Variants in NCOA7 observed in about 807,000 individuals in gnomAD.
NCOA7 encodes the protein 140 kDa estrogen receptor-associated protein.
NCOA7 carries 45 observed loss-of-function variants against 104.3 expected under a neutral mutation model. The ratio of observed to expected loss-of-function variants is 0.43; its 90% CI spans 0.34 to 0.55. The LOEUF (loss-of-function observed/expected upper bound fraction) is 0.55. Ranked by LOEUF, NCOA7 falls within the 20% of genes least tolerant of loss-of-function variation. The pLI, the probability that NCOA7 is intolerant of heterozygous loss-of-function variation, is 0.02. For missense variants in NCOA7, 1,041 were observed against 1,119.7 expected (o/e 0.93, Z 1.00); for synonymous variants, 398 against 402.3 (o/e 0.99, Z 0.13).
rs139475241 is a variant in NCOA7, at chr6:125,871,336, G to A, written c.272-3553G>A. ...CCTTTCCCATGGCAGCTCATGCCTC[G>A]TCCTAGATCTCGCCAGGGCCAGAAG... On this transcript the variant is annotated intron_variant, in intron 3 of 15. Transcript: ENST00000392477. Among the ~76,000 whole-genome samples the A allele has an allele frequency of 3.4e-3, 514 of 152,246 alleles. 1 individual carries two copies. The highest frequency in any genetic ancestry group is 0.017 in the Middle Eastern group (5 of 294).
rs146081822 is a variant in NCOA7, at chr6:125,796,106, C to A, written c.-65+5039C>A. On this transcript the variant is annotated intron_variant, in intron 1 of 15. Transcript: ENST00000392477. ...CTAGGGGCCTTTCTTCCTTGAGATT[C>A]TGTAAACTCATGGAGCCTTCTGCAT... is the stretch of plus-strand genomic sequence containing the variant. Among the ~76,000 whole-genome samples the A allele has an allele frequency of 7.2e-5, 11 of 152,190 alleles. No individual in the cohort carries two copies. In the East Asian group the frequency reaches 2.1e-3, roughly 29 times the overall value.
At chr6:125,896,647 G>A (rs1394190704) in intron 10 of NCOA7, among the ~76,000 whole-genome samples, 8 of 152,018 alleles carry the variant, frequency 5.3e-5, no homozygotes, top group Non-Finnish European at 1.0e-4. Context: ...ACAAAAATTA[G>A]CTGGATGGTG....
chr6:125,814,210 G>A (rs898668083), intron 1 of NCOA7, among the ~76,000 whole-genome samples: 1 of 151,928 alleles, frequency 6.6e-6, no homozygotes, highest in Non-Finnish European at 1.5e-5. Flanking sequence ...GCTGGAGTGC[G>A]GTGGTGCCAT....
chr6:125,882,378 G>A (rs1783911788), intron 6 of NCOA7, 48 bp from the exon 7 acceptor site: 2 of 1,595,926 alleles, frequency 1.3e-6, no homozygotes, highest in Admixed American at 1.7e-5. Context: ...CACATAATTT[G>A]TTTGAAAAGT....
chr6:125,929,834 G>A lies in NCOA7; in HGVS notation c.*1063G>A, dbSNP rs1788357876. On this transcript the variant is annotated 3_prime_UTR_variant, in exon 16 of 16. Coordinates refer to ENST00000392477, the MANE Select transcript of NCOA7 (RefSeq NM_181782.5). ...AGTGTTCTTTGTATAACTTTTCCAA[G>A]CTTTTACATTAACGAGCAGGCCTCT... The A allele has an allele frequency of 6.6e-6, 1 of 152,076 alleles. No homozygotes were observed. Among genetic ancestry groups the A allele is most frequent in the African/African-American group, 2.4e-5 (1 of 41,398 alleles). The allele number at this position is 152,076 out of a possible 1,614,324, so 9.4% of individuals were successfully genotyped here. A position where few individuals can be genotyped will look rare whatever the true frequency, so the allele number is the denominator to read the frequency against.
intron 1 of NCOA7, among the ~76,000 whole-genome samples, chr6:125,785,135 C>T (rs573369128): frequency 6.6e-6 from 1 of 152,182 alleles, no homozygotes; most frequent in Admixed American, 6.5e-5. Context: ...GTCAGGAGTT[C>T]GAGACCAGCC....
chr6:125,886,961 A>G (rs1218371651), intron 8 of NCOA7, among the ~76,000 whole-genome samples: 2 of 152,242 alleles, frequency 1.3e-5, no homozygotes, highest in Non-Finnish European at 2.9e-5. Context: ...TAAGAAGGTA[A>G]CAACTGAAAG....
At chr6:125,791,239 C>T (rs539116118) in intron 1 of NCOA7, among the ~76,000 whole-genome samples, 172 bp downstream of exon 1, 188 of 152,316 alleles carry the variant, frequency 1.2e-3, no homozygotes, top group African/African-American at 4.3e-3. Context: ...ACCTGAAAAC[C>T]TCTGCTTGAG....
At chr6:125,797,619 A>G (rs1775459854) in intron 1 of NCOA7, among the ~76,000 whole-genome samples, 1 of 152,218 alleles carries the variant, frequency 6.6e-6, no homozygotes, top group South Asian at 2.1e-4. Flanking sequence ...TGCTGATATC[A>G]TGAAGTGAGA....
chr6:125,784,091 G>C (rs1487242534), intron 1 of NCOA7, among the ~76,000 whole-genome samples: 1 of 152,154 alleles, frequency 6.6e-6, no homozygotes, highest in East Asian at 1.9e-4. Flanking sequence ...GCCAATTTCT[G>C]ATTTGAAAAT....
chr6:125,892,704 G>A (rs1340522681), intron 10 of NCOA7, among the ~76,000 whole-genome samples: 1 of 152,062 alleles, frequency 6.6e-6, no homozygotes, highest in South Asian at 2.1e-4. Flanking sequence ...AACAAAAAAA[G>A]CAGGTCACTT....
chr6:125,880,012 G>C (rs6569441), intron 5 of NCOA7, among the ~76,000 whole-genome samples: 1 of 151,874 alleles, frequency 6.6e-6, no homozygotes, highest in Non-Finnish European at 1.5e-5. Flanking sequence ...CTCAGAAAAA[G>C]ACAAAAGATT....
intron 1 of NCOA7, among the ~76,000 whole-genome samples, chr6:125,785,364 T>G (rs1297728506): frequency 6.6e-6 from 1 of 152,156 alleles, no homozygotes; most frequent in Non-Finnish European, 1.5e-5. Context: ...GAGATCTGAA[T>G]AAGCTCTCAA....
chr6:125,807,076 C>G (rs1287661575), intron 1 of NCOA7, among the ~76,000 whole-genome samples: 7 of 152,170 alleles, frequency 4.6e-5, no homozygotes, highest in Non-Finnish European at 1.0e-4. Context: ...GCACCTACCT[C>G]TCAGACAGTT....
At chr6:125,845,218 A>G (rs977330097) in intron 2 of NCOA7, among the ~76,000 whole-genome samples, 1 of 152,162 alleles carries the variant, frequency 6.6e-6, no homozygotes, top group Admixed American at 6.6e-5. Context: ...AGAACAGCCA[A>G]GAAAAGAACC....
At chr6:125,869,745 C>T (rs867277911) in intron 3 of NCOA7, among the ~76,000 whole-genome samples, 11 of 152,090 alleles carry the variant, frequency 7.2e-5, no homozygotes, top group African/African-American at 1.2e-4. Flanking sequence ...TATGCTGGTT[C>T]GGAGAAAAAC....
intron 3 of NCOA7, among the ~76,000 whole-genome samples, chr6:125,873,133 T>C (rs1441990796): frequency 6.6e-6 from 1 of 152,158 alleles, no homozygotes; most frequent in Non-Finnish European, 1.5e-5. Context: ...ATAGATGAAA[T>C]GATATCGTTG....
At chr6:125,804,511 G>T (rs1388963293) in intron 1 of NCOA7, among the ~76,000 whole-genome samples, 1 of 152,170 alleles carries the variant, frequency 6.6e-6, no homozygotes, top group Non-Finnish European at 1.5e-5. Flanking sequence ...TAGGAGATGA[G>T]ATCAGCAGAT....
intron 1 of NCOA7, among the ~76,000 whole-genome samples, chr6:125,813,449 A>AC (rs1777253576): frequency 7.4e-6 from 1 of 135,704 alleles, no homozygotes; most frequent in Admixed American, 7.4e-5. Flanking sequence ...GGGAAATGCA[A>AC]TTTTTTTTTT....
Sources: gnomAD v4.1 joint callset for allele counts (sites outside exome capture counted in the v4.1 genomes callset) on GRCh38, gnomAD v4.1.1 for gene constraint, MANE v1.5 for transcripts, NCBI Gene and HGNC (gene_info 2026-07-23, HGNC 2026-07-21) for gene names.